TRMT9B: variants seen among roughly 807,000 people sequenced by gnomAD.
TRMT9B encodes the protein tRNA methyltransferase 9B (putative), also known as probable tRNA methyltransferase 9B.
Under a neutral mutation model 11.5 loss-of-function variants are expected in TRMT9B, and 16 were observed. That is an observed-to-expected ratio of 1.39 (90% CI 0.94 to 2.11). The LOEUF is 2.11. Among genes scored for constraint, TRMT9B ranks in the 30% most tolerant of loss-of-function variants. TRMT9B has a pLI of 0.00. For synonymous variants in TRMT9B, 274 were observed against 192.4 expected (o/e 1.42, Z -3.51); for missense variants, 941 against 553.8 (o/e 1.70, Z -7.02).
At chr8:12,978,354 GCTGATTGTGCCCATTGCAAC>G (rs1457954926) in intron 1 of TRMT9B, among the ~76,000 whole-genome samples, 3 of 152,110 alleles carry the variant, frequency 2.0e-5, no homozygotes, top group Admixed American at 6.6e-5. Context: ...CTCCTCTTCT[GCTGATTGTGCCCATTGCAAC>G]CTGGCAACAT....
At chr8:12,958,707 G>C (rs201468619) in intron 1 of TRMT9B, 1 of 152,252 alleles carries the variant, frequency 6.6e-6, no homozygotes, top group Admixed American at 6.5e-5. Flanking sequence ...GAACCAGCAT[G>C]AGATTGAACA....
At chr8:12,953,989 T>A (rs1263847228) in intron 1 of TRMT9B, among the ~76,000 whole-genome samples, 2 of 152,236 alleles carry the variant, frequency 1.3e-5, no homozygotes, top group African/African-American at 4.8e-5. Flanking sequence ...ACCGTAATGA[T>A]GTTCTTTGGA....
At position 13,012,761 on chromosome 8, in the gene TRMT9B, G is replaced by C. The variant is rs778807979; in HGVS notation, c.232G>C (p.Glu78Gln). ...VGCDYCGPLV[E>Q]IARNRGCEAM... Reference sequence around the variant, plus strand: ...CTGTGACTACTGTGGGCCACTGGTAGAGATTGCCCGGAATAGAGGATGTGA... The same window carrying C: ...CTGTGACTACTGTGGGCCACTGGTACAGATTGCCCGGAATAGAGGATGTGA... The change falls in exon 4 of 5, where the codon GAG (glutamate) becomes CAG (glutamine). Residue 78 changes from glutamate (E) to glutamine (Q), a missense_variant. Physicochemically the swap from Glu to Gln is conservative, Grantham distance 29. Coordinates refer to ENST00000524591, the MANE Select transcript of TRMT9B (RefSeq NM_020844.3). The C allele has an allele frequency of 1.2e-6, 2 of 1,613,872 alleles. No homozygotes were observed. Among genetic ancestry groups the C allele is most frequent in the African/African-American group, 2.7e-5 (2 of 74,924 alleles).
At chr8:13,014,665 C>T (rs376852731) in intron 4 of TRMT9B, among the ~76,000 whole-genome samples, 5 of 152,136 alleles carry the variant, frequency 3.3e-5, no homozygotes, top group Non-Finnish European at 5.9e-5. Flanking sequence ...GTCTATAACC[C>T]GGAGAAAACC....
intron 1 of TRMT9B, among the ~76,000 whole-genome samples, chr8:12,950,056 G>A (rs1036070992): frequency 6.6e-6 from 1 of 151,932 alleles, no homozygotes; most frequent in African/African-American, 2.4e-5. Context: ...GTTTCACTAT[G>A]TTGCCCAAGC....
chr8:12,956,728 A>G (rs548852394), intron 1 of TRMT9B, among the ~76,000 whole-genome samples: 2 of 152,198 alleles, frequency 1.3e-5, no homozygotes, highest in African/African-American at 2.4e-5. Flanking sequence ...AACTTTCAGC[A>G]TGCTCATTTT....
At chr8:12,989,592 G>C (rs967655416) in intron 1 of TRMT9B, among the ~76,000 whole-genome samples, 1 of 152,114 alleles carries the variant, frequency 6.6e-6, no homozygotes, top group Non-Finnish European at 1.5e-5. Context: ...GCTTATCTGA[G>C]GGGTCTAACA....
At chr8:13,011,648 A>G in intron 3 of TRMT9B, 1 of 978,300 alleles carries the variant, frequency 1.0e-6, no homozygotes, top group Non-Finnish European at 1.2e-6. Flanking sequence ...CTCAATCATA[A>G]CATCAGTAAG....
intron 1 of TRMT9B, among the ~76,000 whole-genome samples, chr8:12,975,163 G>A (rs1310356361): frequency 2.0e-5 from 3 of 152,044 alleles, no homozygotes; most frequent in Non-Finnish European, 2.9e-5. Flanking sequence ...GGCTAGGAGG[G>A]TTTGTATTAT....
intron 2 of TRMT9B, among the ~76,000 whole-genome samples, chr8:12,993,502 A>G (rs1196873362): frequency 1.3e-5 from 2 of 152,180 alleles, no homozygotes; most frequent in African/African-American, 4.8e-5. Context: ...TGAATATATT[A>G]GAGGGGATAG....
intron 1 of TRMT9B, among the ~76,000 whole-genome samples, chr8:12,966,151 C>CT (rs554361545): frequency 1.1e-4 from 5 of 45,248 alleles, no homozygotes; most frequent in Admixed American, 3.7e-4. Flanking sequence ...CATAGTAAGA[C>CT]CCCCCCCATC....
At chr8:13,019,707 C>T (rs902717970) in intron 4 of TRMT9B, among the ~76,000 whole-genome samples, 1 of 152,212 alleles carries the variant, frequency 6.6e-6, no homozygotes, top group Non-Finnish European at 1.5e-5. Context: ...CAGGACTCTA[C>T]TTCTAGAAAG....
At chr8:12,988,819 C>G (rs2946485) in intron 1 of TRMT9B, among the ~76,000 whole-genome samples, 6,580 of 152,152 alleles carry the variant, frequency 0.043, 194 homozygotes, top group African/African-American at 0.081. Context: ...ATGATTATAT[C>G]AAATAATCTT....
intron 1 of TRMT9B, among the ~76,000 whole-genome samples, chr8:12,984,728 G>C (rs1280375341): frequency 6.6e-6 from 1 of 152,082 alleles, no homozygotes; most frequent in Non-Finnish European, 1.5e-5. Flanking sequence ...GAAGCCGGGC[G>C]CTATATTTTC....
At position 13,026,927 on chromosome 8, in the gene TRMT9B, T is replaced by A. The variant is rs1814755705; in HGVS notation, c.*4883T>A. The A allele has an allele frequency of 6.0e-6, 1 of 167,092 alleles. No individual in the cohort carries two copies. Among genetic ancestry groups the A allele is most frequent in the African/African-American group, 2.4e-5 (1 of 41,448 alleles). 10.4% of individuals were successfully genotyped at this position (167,092 alleles called of 1,614,324 possible). On this transcript the variant is annotated 3_prime_UTR_variant, in exon 5 of 5. Coordinates refer to ENST00000524591, the MANE Select transcript of TRMT9B (RefSeq NM_020844.3). ...ACACAGCTAGACAATAATTCAATAG[T>A]AGTCTCTTACATATTTTCCCTTTTA...
intron 2 of TRMT9B, among the ~76,000 whole-genome samples, chr8:12,994,856 AT>A (rs1808053106): frequency 6.6e-6 from 1 of 152,040 alleles, no homozygotes; most frequent in African/African-American, 2.4e-5. Context: ...TAATGTTTGT[AT>A]TTTTAGTAGA....
chr8:12,986,658 T>G (rs1247760999), intron 1 of TRMT9B, among the ~76,000 whole-genome samples: 1 of 152,230 alleles, frequency 6.6e-6, no homozygotes, highest in African/African-American at 2.4e-5. Context: ...AAGTTTCCTT[T>G]GCTTTACCTT....
intron 1 of TRMT9B, among the ~76,000 whole-genome samples, chr8:12,947,305 C>T (rs77324728): frequency 0.054 from 8,281 of 152,322 alleles, 278 homozygotes; most frequent in South Asian, 0.096. Context: ...CCGGGTCTAC[C>T]ATTCAGCCTG....
At chr8:12,996,264 A>G (rs1035071563) in intron 2 of TRMT9B, among the ~76,000 whole-genome samples, 16 of 152,208 alleles carry the variant, frequency 1.1e-4, no homozygotes, top group Admixed American at 1.0e-3. Flanking sequence ...GATCACAAAT[A>G]TAAGGTAGGT....
Sources: allele counts gnomAD v4.1 joint callset (sites outside exome capture counted in the v4.1 genomes callset), GRCh38; gene constraint gnomAD v4.1.1; transcripts MANE v1.5; gene names NCBI Gene and HGNC (gene_info 2026-07-23, HGNC 2026-07-21).